SCN3A: variants seen among roughly 807,000 people sequenced by gnomAD.
The protein encoded by SCN3A is sodium channel protein type 3 subunit alpha.
Under a neutral mutation model 187.6 loss-of-function variants are expected in SCN3A, and 60 were observed. The observed-to-expected ratio is 0.32, with a 90% CI of 0.26 to 0.40. The LOEUF (loss-of-function observed/expected upper bound fraction) is 0.40, where lower values mean the gene tolerates loss of function less well. Among genes scored for constraint, SCN3A ranks in the 10% least tolerant of loss-of-function variants. The pLI, the probability that SCN3A is intolerant of heterozygous loss-of-function variation, is 1.00. For missense variants in SCN3A, 1,601 were observed against 2,428.2 expected, an observed-to-expected ratio of 0.66 and a Z score of 7.16; for synonymous variants, 788 against 829.2, an observed-to-expected ratio of 0.95 and a Z score of 0.85.
chr2:165,090,606 A>G lies in SCN3A; in HGVS notation c.5547T>C (p.Cys1849=), dbSNP rs755104887. Residue 1849 remains cysteine (C), a synonymous_variant, in exon 28 of 28, where the codon TGT becomes TGC. Transcript: ENST00000283254. The surrounding 1 kb of genome is among the most constrained non-coding windows in gnomAD (Gnocchi z 4.0). ...TTGTAAAGGCAAATAAAATATCAAGACAGTGGATCCGGTCACCACTGACCA... is the reference window on the plus strand; with the variant it reads ...TTGTAAAGGCAAATAAAATATCAAGGCAGTGGATCCGGTCACCACTGACCA... The part of the protein sequence containing the change: ...LPMVSGDRIH[C]LDILFAFTKR... 3 of 1,614,082 alleles carry G rather than the reference A, an allele frequency of 1.9e-6. No individual in the cohort carries two copies. Among genetic ancestry groups the G allele is most frequent in the East Asian group, 4.5e-5 (2 of 44,870 alleles).
chr2:165,173,390 G>A (rs758402036), intron 3 of SCN3A, among the ~76,000 whole-genome samples: 1 of 152,052 alleles, frequency 6.6e-6, no homozygotes, highest in Non-Finnish European at 1.5e-5. Context: ...TCATCTCTCT[G>A]TGCTTCACTT....
chr2:165,089,511 A>G lies in SCN3A; in HGVS notation c.*639T>C, dbSNP rs1195326461. 2 of 152,804 alleles carry G rather than the reference A, an allele frequency of 1.3e-5. No homozygotes were observed. Among genetic ancestry groups the G allele is most frequent in the Admixed American group, 6.5e-5 (1 of 15,286 alleles). 9.5% of individuals were successfully genotyped at this position (152,804 alleles called of 1,614,324 possible). A position where few individuals can be genotyped will look rare whatever the true frequency, so the allele number is the denominator to read the frequency against. On this transcript the variant is annotated 3_prime_UTR_variant, in exon 28 of 28. Transcript: ENST00000283254. The stretch of plus-strand genomic sequence containing the variant: ...TTAGAGGAGACTTTACAGGCACATA[A>G]CTGTTCAGATAGAAACAAACATAAC...
At chr2:165,114,255 A>G (rs1686253996) in intron 19 of SCN3A, among the ~76,000 whole-genome samples, 1 of 152,212 alleles carries the variant, frequency 6.6e-6, no homozygotes, top group South Asian at 2.1e-4. Context: ...CCTCAAGGCC[A>G]TTGATGAAAA....
At position 165,139,489 on chromosome 2, in the gene SCN3A, G is replaced by C. The variant is rs764787466; in HGVS notation, c.2139C>G (p.Thr713=). The C allele has an allele frequency of 1.2e-6, 2 of 1,613,838 alleles. No homozygotes were observed. The highest frequency in any genetic ancestry group is 8.5e-7 in the Non-Finnish European group (1 of 1,179,860). Residue 713 remains threonine, a synonymous_variant, in exon 14 of 28, where the codon ACC becomes ACG. Transcript: ENST00000283254. ...CCTGCTTCTTACCTTCCATTGTGTT[G>C]GTCAGAATGCTGGCTATGCTCACGG... The part of the protein sequence containing the change: ...QRAVSIASIL[T]NTMEELEESR...
intron 5 of SCN3A, among the ~76,000 whole-genome samples, chr2:165,167,453 C>T (rs191003296): frequency 3.6e-3 from 545 of 151,978 alleles, no homozygotes; most frequent in Non-Finnish European, 6.0e-3. Flanking sequence ...TCTATAAAAA[C>T]GGAACTAAAA....
chr2:165,202,247 C>T (rs1438236361), intron 1 of SCN3A, among the ~76,000 whole-genome samples: 2 of 151,924 alleles, frequency 1.3e-5, no homozygotes, highest in African/African-American at 4.8e-5. Flanking sequence ...TTTCACATGG[C>T]GACCACATGT....
chr2:165,121,361 G>A (rs1412735312), intron 18 of SCN3A, among the ~76,000 whole-genome samples: 1 of 152,144 alleles, frequency 6.6e-6, no homozygotes, highest in African/African-American at 2.4e-5. Context: ...CTCTGAAAAG[G>A]AGGGAATCCT....
chr2:165,172,152 T>C (rs1238081365), intron 3 of SCN3A, among the ~76,000 whole-genome samples: 5 of 152,178 alleles, frequency 3.3e-5, no homozygotes, highest in Non-Finnish European at 7.4e-5. Context: ...GTGCCAACCA[T>C]TACTTAACTA....
At chr2:165,177,972 T>C (rs2105929213) in intron 2 of SCN3A, among the ~76,000 whole-genome samples, 1 of 152,196 alleles carries the variant, frequency 6.6e-6, no homozygotes, top group South Asian at 2.1e-4. Flanking sequence ...ATTTTCCCCA[T>C]TCCTACCATT....
At chr2:165,183,337 T>C (rs1457704847) in intron 2 of SCN3A, among the ~76,000 whole-genome samples, 1 of 152,212 alleles carries the variant, frequency 6.6e-6, no homozygotes, top group Non-Finnish European at 1.5e-5. Context: ...AGTTGACATA[T>C]TTGTCTTGAA....
At position 165,089,592 on chromosome 2, in the gene SCN3A, G is replaced by A. The variant is rs1684980400; in HGVS notation, c.*558C>T. The A allele has an allele frequency of 6.5e-6, 1 of 153,716 alleles. No homozygotes were observed. Among genetic ancestry groups the A allele is most frequent in the African/African-American group, 2.4e-5 (1 of 41,552 alleles). 9.5% of individuals were successfully genotyped at this position (153,716 alleles called of 1,614,324 possible). A position where few individuals can be genotyped will look rare whatever the true frequency, so the allele number is the denominator to read the frequency against. On this transcript the variant is annotated 3_prime_UTR_variant, in exon 28 of 28. Transcript: ENST00000283254. ...CTAGAAAATGGAAGTAACTGAAACT[G>A]TAGCCATTACAATTCTTTTTCTGGT...
intron 1 of SCN3A, among the ~76,000 whole-genome samples, chr2:165,187,678 C>A (rs780040583): frequency 2.0e-5 from 3 of 152,116 alleles, no homozygotes; most frequent in Non-Finnish European, 2.9e-5. Flanking sequence ...AACACATATC[C>A]TACCCTTGTT....
chr2:165,135,810 C>T (rs894842798), intron 15 of SCN3A, among the ~76,000 whole-genome samples: 1 of 152,020 alleles, frequency 6.6e-6, no homozygotes, highest in Non-Finnish European at 1.5e-5. Context: ...TACATATTCT[C>T]CTATTTTTAT....
chr2:165,117,540 T>TAC (rs1686431295), intron 18 of SCN3A, among the ~76,000 whole-genome samples: 1 of 152,130 alleles, frequency 6.6e-6, no homozygotes, highest in African/African-American at 2.4e-5. Flanking sequence ...CACATATATA[T>TAC]ACCAAAAGAT....
intron 3 of SCN3A, among the ~76,000 whole-genome samples, chr2:165,175,593 G>C (rs993177020): frequency 2.0e-5 from 3 of 151,844 alleles, no homozygotes; most frequent in Non-Finnish European, 4.4e-5. Context: ...GTTAAGAGAA[G>C]ATCCTAATCA....
At chr2:165,118,546 G>T (rs1480317648) in intron 18 of SCN3A, among the ~76,000 whole-genome samples, 1 of 152,096 alleles carries the variant, frequency 6.6e-6, no homozygotes, top group African/African-American at 2.4e-5. Context: ...CATAAAGTCA[G>T]TTTTCCCAAG....
rs144820782 is a variant in SCN3A at position 165,200,822 on chromosome 2, C to T, written c.-248+3001G>A. Among the ~76,000 whole-genome samples, 111 of 152,108 alleles carry T rather than the reference C, an allele frequency of 7.3e-4. No individual in the cohort carries two copies. The Middle Eastern group carries it at 0.014, about 19-fold the overall frequency. ...CAGTAGCACACAGCTGTCAGGAGCA[C>T]GAAGCTACACTTAGAAACAACCTTT... On this transcript the variant is annotated intron_variant, in intron 1 of 27. Coordinates refer to ENST00000283254, the MANE Select transcript of SCN3A (RefSeq NM_006922.4).
chr2:165,172,498 T>G (rs7569892), intron 3 of SCN3A, among the ~76,000 whole-genome samples: 3,121 of 152,242 alleles, frequency 0.021, 114 homozygotes, highest in African/African-American at 0.071. Context: ...TTAGATTATT[T>G]AATATTACAG....
chr2:165,149,762 A>G (rs1688586840), intron 11 of SCN3A, among the ~76,000 whole-genome samples: 1 of 152,224 alleles, frequency 6.6e-6, no homozygotes, highest in South Asian at 2.1e-4. Context: ...TTCACAGCCA[A>G]CTTGCTGAAT....
Sources: allele counts gnomAD v4.1 joint callset (sites outside exome capture counted in the v4.1 genomes callset), GRCh38; gene constraint gnomAD v4.1.1; non-coding constraint Gnocchi (gnomAD v3.1); transcripts MANE v1.5; gene names NCBI Gene and HGNC (gene_info 2026-07-23, HGNC 2026-07-21).